The following FSTL5 variants were observed in gnomAD, a reference collection of about 807,000 sequenced individuals.
FSTL5 encodes follistatin like 5, also known as follistatin-related protein 5.
FSTL5 carries 62 observed loss-of-function variants against 89.1 expected under a neutral mutation model. That is an observed-to-expected ratio of 0.70 (90% CI 0.57 to 0.86). The LOEUF (loss-of-function observed/expected upper bound fraction) is 0.86, where lower values mean the gene tolerates loss of function less well. FSTL5 is among the 40% of genes least tolerant of loss of function. The pLI, the probability that FSTL5 is intolerant of heterozygous loss-of-function variation, is 0.00. For missense variants in FSTL5, 1,057 were observed against 1,001.6 expected (o/e 1.06, Z -0.75); for synonymous variants, 383 against 346.2 (o/e 1.11, Z -1.18).
intron 3 of FSTL5, among the ~76,000 whole-genome samples, chr4:161,969,900 T>C (rs1021937654): frequency 1.3e-5 from 2 of 151,954 alleles, no homozygotes; most frequent in Non-Finnish European, 2.9e-5. Flanking sequence ...ATAAAAAATA[T>C]GGTGTATGTT....
At chr4:161,720,855 G>T (rs1739174380) in intron 6 of FSTL5, among the ~76,000 whole-genome samples, 1 of 152,146 alleles carries the variant, frequency 6.6e-6, no homozygotes, top group Non-Finnish European at 1.5e-5. Flanking sequence ...GATTGCCAGG[G>T]GTTGTGGGGA....
At chr4:161,731,665 AG>A (rs373226388) in intron 6 of FSTL5, among the ~76,000 whole-genome samples, 69 of 152,080 alleles carry the variant, frequency 4.5e-4, no homozygotes, top group African/African-American at 1.6e-3. Flanking sequence ...TAGCACTATG[AG>A]AATAGACTAA....
chr4:162,148,385 C>T (rs973806993), intron 1 of FSTL5, among the ~76,000 whole-genome samples: 1 of 152,036 alleles, frequency 6.6e-6, no homozygotes, highest in African/African-American at 2.4e-5. Context: ...TCCTAAATTC[C>T]TTTTGTGTCT....
At chr4:161,740,169 G>A (rs965096732) in intron 6 of FSTL5, among the ~76,000 whole-genome samples, 6 of 151,870 alleles carry the variant, frequency 4.0e-5, no homozygotes, top group Non-Finnish European at 8.8e-5. Flanking sequence ...ACAGACTTGT[G>A]CCACCATGCC....
intron 13 of FSTL5, among the ~76,000 whole-genome samples, chr4:161,477,464 T>C (rs963773143): frequency 5.3e-5 from 8 of 150,644 alleles, no homozygotes; most frequent in African/African-American, 1.7e-4. Context: ...GCAATTATTA[T>C]TCATTTTGAC....
rs1166931174 is a variant in FSTL5 at position 161,920,568 on chromosome 4, G to A, written c.245C>T (p.Thr82Ile). The A allele has an allele frequency of 6.2e-7, 1 of 1,613,816 alleles. No individual in the cohort carries two copies. The highest frequency in any genetic ancestry group is 8.5e-7 in the Non-Finnish European group (1 of 1,179,926). Residue 82 changes from threonine to isoleucine, a missense_variant, in exon 4 of 16, where the codon ACA (threonine) becomes ATA (isoleucine). Physicochemically the swap from Thr to Ile is moderately conservative, Grantham distance 89. Around this residue, in one of 3 missense-constraint regions of FSTL5, gnomAD observed 980 missense variants for 903.2 expected, o/e 1.08. Transcript: ENST00000306100. ...CATACAGGCACATTCTGCTTGCCCT[G>A]TCTCTCTGCTGGTAACACAGTGTCT... The part of the protein sequence containing the change: ...LGRHCVTSRE[T>I]GQAECACMDL...
At chr4:161,930,343 A>G (rs1284892147) in intron 3 of FSTL5, among the ~76,000 whole-genome samples, 2 of 151,858 alleles carry the variant, frequency 1.3e-5, no homozygotes, top group East Asian at 3.9e-4. Flanking sequence ...AAACCCCTCT[A>G]TGGTTGAATT....
At chr4:162,085,830 T>C (rs1328877495) in intron 2 of FSTL5, among the ~76,000 whole-genome samples, 2 of 152,152 alleles carry the variant, frequency 1.3e-5, no homozygotes, top group East Asian at 1.9e-4. Flanking sequence ...TGCAGAGCTT[T>C]GGATTTGATA....
intron 4 of FSTL5, among the ~76,000 whole-genome samples, chr4:161,824,010 A>G (rs1730584194): frequency 6.6e-6 from 1 of 152,002 alleles, no homozygotes; most frequent in African/African-American, 2.4e-5. Flanking sequence ...GAAGGTTTTT[A>G]TTTTAATTAA....
At chr4:162,065,166 C>T (rs1270875298) in intron 2 of FSTL5, among the ~76,000 whole-genome samples, 1 of 151,830 alleles carries the variant, frequency 6.6e-6, no homozygotes, top group Non-Finnish European at 1.5e-5. Context: ...AAAACAAAAG[C>T]TTAGAAAAAA....
intron 2 of FSTL5, among the ~76,000 whole-genome samples, chr4:162,098,582 T>G (rs980253648): frequency 6.6e-6 from 1 of 151,950 alleles, no homozygotes; most frequent in Non-Finnish European, 1.5e-5. Flanking sequence ...ATTCTTAGTT[T>G]AGACAGGCAA....
chr4:161,427,315 G>A (rs931991054), intron 15 of FSTL5, among the ~76,000 whole-genome samples: 6 of 152,180 alleles, frequency 3.9e-5, no homozygotes, highest in African/African-American at 1.4e-4. Flanking sequence ...AATTTGACAA[G>A]GGTCCCACAC....
rs1472618046 is a variant in FSTL5 at position 161,539,056 on chromosome 4, G to A, written c.1178-756C>T. Among the ~76,000 whole-genome samples the A allele has an allele frequency of 2.0e-5, 3 of 152,144 alleles. No homozygotes were observed. In the East Asian group the frequency reaches 5.8e-4, roughly 29 times the overall value. ...ACCAAAGGGCTGGCATTACAGGCGT[G>A]AGCCACCCCACCTGGCAGTTGAGTG... On this transcript the variant is annotated intron_variant, in intron 9 of 15. Transcript: ENST00000306100.
chr4:161,805,646 A>G (rs1729941798), intron 4 of FSTL5, among the ~76,000 whole-genome samples: 1 of 152,110 alleles, frequency 6.6e-6, no homozygotes, highest in African/African-American at 2.4e-5. Context: ...GGGCATCAGG[A>G]CAAGTATTTT....
rs1267325201 is a variant in FSTL5, at chr4:161,566,135, T to TATATATAC, written c.1015+21319_1015+21320insGTATATAT. ...ATATATATATATATATATATATATA[T>TATATATAC]ACACACACACACACACACACCGTGG... On this transcript the variant is annotated intron_variant, in intron 8 of 15. Transcript: ENST00000306100. Among the ~76,000 whole-genome samples, 235 of 54,990 alleles carry TATATATAC rather than the reference T, an allele frequency of 4.3e-3. 3 individuals carry two copies. The highest frequency in any genetic ancestry group is 0.011 in the East Asian group (9 of 816). The allele number at this position is 54,990 out of a possible 152,430, so 36.1% of individuals were successfully genotyped here. A position where few individuals can be genotyped will look rare whatever the true frequency, so the allele number is the denominator to read the frequency against.
chr4:161,799,103 T>C (rs774106500), intron 4 of FSTL5, among the ~76,000 whole-genome samples: 1 of 151,748 alleles, frequency 6.6e-6, no homozygotes, highest in Admixed American at 6.6e-5. Context: ...TACATACTAG[T>C]AGTGAAAGTG....
chr4:161,855,207 C>A (rs538043939), intron 4 of FSTL5, among the ~76,000 whole-genome samples: 186 of 152,006 alleles, frequency 1.2e-3, no homozygotes, highest in African/African-American at 4.2e-3. Context: ...TTAAGATTAG[C>A]AAAGTTTTAT....
In FSTL5 at chr4:161,587,578, A is replaced by G. The variant is rs367851251; in HGVS notation, c.895-3T>C. On this transcript the variant is annotated splice_polypyrimidine_tract_variant and splice_region_variant and intron_variant, in intron 7 of 15. Coordinates refer to ENST00000306100, the MANE Select transcript of FSTL5 (RefSeq NM_020116.5). ...AAGGACCCATCATCTCCAAAGTCCT[A>G]TTAAAAATAAAATAAAACAAGGTGT... 3.8e-6 allele frequency: 6 copies of G among 1,586,178 alleles called. No individual in the cohort carries two copies. The highest frequency in any genetic ancestry group is 3.5e-5 in the South Asian group (3 of 86,032).
At chr4:161,408,538 A>G (rs988287428) in intron 15 of FSTL5, among the ~76,000 whole-genome samples, 2 of 152,184 alleles carry the variant, frequency 1.3e-5, no homozygotes, top group African/African-American at 2.4e-5. Context: ...TCCCCAAATG[A>G]GCTCACTAGC....
Sources: gnomAD v4.1 joint callset for allele counts (sites outside exome capture counted in the v4.1 genomes callset) on GRCh38, gnomAD v4.1.1 for gene constraint, gnomAD v4.1.1 regional missense constraint, MANE v1.5 for transcripts, NCBI Gene and HGNC (gene_info 2026-07-23, HGNC 2026-07-21) for gene names.